The following CNTNAP2 variants were observed in gnomAD, a reference collection of about 807,000 sequenced individuals.
CNTNAP2 encodes contactin associated protein 2.
Under a neutral mutation model 155.2 loss-of-function variants are expected in CNTNAP2, and 98 were observed. The ratio of observed to expected loss-of-function variants is 0.63; its 90% confidence interval spans 0.54 to 0.75. The LOEUF (loss-of-function observed/expected upper bound fraction) is 0.75, where lower values mean the gene tolerates loss of function less well. CNTNAP2 is among the 30% of genes least tolerant of loss of function. CNTNAP2 has a pLI of 0.00. For synonymous variants in CNTNAP2, 651 were observed against 631.2 expected (o/e 1.03, Z -0.47); for missense variants, 1,727 against 1,688.1 (o/e 1.02, Z -0.40).
intron 2 of CNTNAP2, among the ~76,000 whole-genome samples, chr7:146,794,756 A>C (rs1802739155): frequency 6.6e-6 from 1 of 152,252 alleles, no homozygotes; most frequent in Non-Finnish European, 1.5e-5. Flanking sequence ...ATAATGTATT[A>C]TACCGATTAT....
chr7:147,257,650 A>G (rs1804363257), intron 8 of CNTNAP2, among the ~76,000 whole-genome samples: 1 of 152,238 alleles, frequency 6.6e-6, no homozygotes, highest in Non-Finnish European at 1.5e-5. Flanking sequence ...AGTACAATTT[A>G]TTTTTTAAAA....
chr7:147,262,600 C>A (rs762383118), intron 8 of CNTNAP2, among the ~76,000 whole-genome samples: 3 of 152,030 alleles, frequency 2.0e-5, no homozygotes, highest in Non-Finnish European at 4.4e-5. Flanking sequence ...TTCAGGAGAT[C>A]GAGACCATCC....
At chr7:147,894,659 T>C (rs1455155228) in intron 13 of CNTNAP2, among the ~76,000 whole-genome samples, 2 of 152,076 alleles carry the variant, frequency 1.3e-5, no homozygotes, top group African/African-American at 4.8e-5. Flanking sequence ...TATACCCTTG[T>C]GGTGTTGTTT....
chr7:146,559,516 C>T (rs1339536551), intron 1 of CNTNAP2, among the ~76,000 whole-genome samples: 1 of 151,746 alleles, frequency 6.6e-6, no homozygotes, highest in Non-Finnish European at 1.5e-5. Context: ...ATGCAGGGAG[C>T]CGAGATCACG....
intron 21 of CNTNAP2, among the ~76,000 whole-genome samples, chr7:148,374,093 G>A (rs1798938576): frequency 6.6e-6 from 1 of 152,136 alleles, no homozygotes; most frequent in African/African-American, 2.4e-5. Flanking sequence ...GTTTCTTCGT[G>A]TGCTTGACTG....
chr7:147,519,092 G>A (rs1799184587), intron 11 of CNTNAP2, among the ~76,000 whole-genome samples: 1 of 151,046 alleles, frequency 6.6e-6, no homozygotes, highest in Middle Eastern at 3.4e-3. Flanking sequence ...TATCACAAAT[G>A]TTGTAGCTGA....
intron 16 of CNTNAP2, among the ~76,000 whole-genome samples, chr7:148,132,430 T>G (rs1239417780): frequency 6.6e-6 from 1 of 151,968 alleles, no homozygotes; most frequent in Non-Finnish European, 1.5e-5. Context: ...TTTAAGGGGA[T>G]TGTGCTCTAG....
At chr7:147,628,328 T>C (rs1166648417) in intron 12 of CNTNAP2, among the ~76,000 whole-genome samples, 1 of 152,180 alleles carries the variant, frequency 6.6e-6, no homozygotes, top group Non-Finnish European at 1.5e-5. Context: ...GTGTCATCTT[T>C]AGCCTTCTGA....
At chr7:147,988,117 A>C (rs1424278202) in intron 15 of CNTNAP2, among the ~76,000 whole-genome samples, 9 of 152,322 alleles carry the variant, frequency 5.9e-5, no homozygotes, top group East Asian at 1.9e-4. Flanking sequence ...GTTCCAGGCT[A>C]TAGGTGAATT....
chr7:146,613,199 T>C (rs1337557367), intron 1 of CNTNAP2, among the ~76,000 whole-genome samples: 1 of 152,198 alleles, frequency 6.6e-6, no homozygotes, highest in Non-Finnish European at 1.5e-5. Flanking sequence ...GAGACTTGTC[T>C]GTAATTTCTA....
At chr7:148,132,041 C>T (rs1210870706) in intron 16 of CNTNAP2, among the ~76,000 whole-genome samples, 1 of 152,190 alleles carries the variant, frequency 6.6e-6, no homozygotes, top group African/African-American at 2.4e-5. Context: ...AAAGAAAATA[C>T]TGGCCAACTG....
chr7:148,404,491 G>C (rs1272205343), intron 22 of CNTNAP2, among the ~76,000 whole-genome samples: 1 of 105,080 alleles, frequency 9.5e-6, no homozygotes, highest in Non-Finnish European at 2.1e-5. Flanking sequence ...CCCTTCACTG[G>C]ACTTGCAACA....
At chr7:146,218,830 A>G (rs1414541894) in intron 1 of CNTNAP2, among the ~76,000 whole-genome samples, 1 of 152,156 alleles carries the variant, frequency 6.6e-6, no homozygotes, top group African/African-American at 2.4e-5. Context: ...ACAGGGTGTA[A>G]GACATAAGTA....
At chr7:146,847,016 G>A (rs528474653) in intron 3 of CNTNAP2, among the ~76,000 whole-genome samples, 7 of 151,718 alleles carry the variant, frequency 4.6e-5, no homozygotes, top group African/African-American at 1.4e-4. Flanking sequence ...TTTTTTTTAC[G>A]TTGAACTCAA....
intron 13 of CNTNAP2, among the ~76,000 whole-genome samples, chr7:147,757,597 A>G (rs930439502): frequency 6.6e-6 from 1 of 152,122 alleles, no homozygotes; most frequent in Non-Finnish European, 1.5e-5. Flanking sequence ...CTGGATAATC[A>G]TGAATTGTTG....
chr7:147,063,853 A>G (rs1292637920), intron 4 of CNTNAP2, among the ~76,000 whole-genome samples: 5 of 152,166 alleles, frequency 3.3e-5, no homozygotes, highest in African/African-American at 1.2e-4. Flanking sequence ...AAAAAATATA[A>G]AAGCAGTATA....
chr7:147,536,786 C>T (rs1319747649), intron 11 of CNTNAP2, among the ~76,000 whole-genome samples: 1 of 152,134 alleles, frequency 6.6e-6, no homozygotes, highest in Non-Finnish European at 1.5e-5. Context: ...CAATCACTTT[C>T]TTTTTCAAGA....
intron 10 of CNTNAP2, among the ~76,000 whole-genome samples, chr7:147,463,077 C>T (rs1798053108): frequency 6.6e-6 from 1 of 152,182 alleles, no homozygotes; most frequent in Non-Finnish European, 1.5e-5. Flanking sequence ...CCAGTTCTAT[C>T]TCCCACTACT....
chr7:146,594,433 TAC>T (rs4016062), intron 1 of CNTNAP2, among the ~76,000 whole-genome samples: 1,620 of 149,430 alleles, frequency 0.011, 21 homozygotes, highest in African/African-American at 0.037. Flanking sequence ...TACTAGTGTT[TAC>T]ACACACACAC....
Sources: allele counts gnomAD v4.1 joint callset (sites outside exome capture counted in the v4.1 genomes callset), GRCh38; gene constraint gnomAD v4.1.1; transcripts MANE v1.5; gene names NCBI Gene and HGNC (gene_info 2026-07-23, HGNC 2026-07-21).